The following CACNB2 variants were observed in gnomAD, a reference collection of about 807,000 sequenced individuals.
CACNB2 encodes calcium voltage-gated channel auxiliary subunit beta 2.
CACNB2 carries 42 observed loss-of-function variants against 73.3 expected under a neutral mutation model. The observed-to-expected ratio is 0.57, with a 90% CI of 0.45 to 0.74. CACNB2 has a LOEUF of 0.74. Ranked by LOEUF, CACNB2 falls within the 30% of genes least tolerant of loss-of-function variation. The pLI is 0.00. For missense variants in CACNB2, 940 were observed against 853.0 expected (o/e 1.10, Z -1.27); for synonymous variants, 348 against 310.3 (o/e 1.12, Z -1.28).
intron 3 of CACNB2, among the ~76,000 whole-genome samples, chr10:18,407,109 C>CTTTTTTTTTTTT (rs71507267): frequency 0.036 from 1,277 of 35,616 alleles, 427 homozygotes; most frequent in Non-Finnish European, 0.048. Context: ...GCTGTTCTGT[C>CTTTTTTTTTTTT]TTTTTTTTTT....
chr10:18,222,334 C>T (rs187978117), intron 2 of CACNB2, among the ~76,000 whole-genome samples: 2 of 152,130 alleles, frequency 1.3e-5, no homozygotes, highest in East Asian at 3.9e-4. Context: ...AAACATAAGA[C>T]CCAGCAACCA....
chr10:18,157,504 C>G (rs1035440986), intron 2 of CACNB2, among the ~76,000 whole-genome samples: 1 of 152,128 alleles, frequency 6.6e-6, no homozygotes, highest in African/African-American at 2.4e-5. Flanking sequence ...ATATTACTGC[C>G]TATTTGTAAC....
At chr10:18,521,371 G>A (rs1277322171) in intron 9 of CACNB2, among the ~76,000 whole-genome samples, 1 of 152,180 alleles carries the variant, frequency 6.6e-6, no homozygotes, top group Non-Finnish European at 1.5e-5. Context: ...AGTGTGTGAA[G>A]GCTTTGAGGT....
chr10:18,409,697 G>T (rs2044506948), intron 3 of CACNB2, among the ~76,000 whole-genome samples: 1 of 152,136 alleles, frequency 6.6e-6, no homozygotes, highest in Non-Finnish European at 1.5e-5. Flanking sequence ...TAGGGTAATT[G>T]GGGAGGGACT....
chr10:18,235,414 C>T (rs977356798), intron 2 of CACNB2, among the ~76,000 whole-genome samples: 1 of 152,140 alleles, frequency 6.6e-6, no homozygotes, highest in African/African-American at 2.4e-5. Flanking sequence ...GCTATGATCA[C>T]ACCACTGCAC....
chr10:18,172,728 C>G (rs2033329578), intron 2 of CACNB2, among the ~76,000 whole-genome samples: 1 of 151,956 alleles, frequency 6.6e-6, no homozygotes, highest in Non-Finnish European at 1.5e-5. Context: ...GATGGTGTAG[C>G]TAATGGACAA....
Position 18,374,082 on chromosome 10 carries a change from A to G in CACNB2, c.214-27842A>G, listed in dbSNP as rs572722222. ...GCATATCAGGGATAGATAGAATGGTAGAGGAAGAAGAAGCTATACAGTGAT... is the reference window on the plus strand; with the variant it reads ...GCATATCAGGGATAGATAGAATGGTGGAGGAAGAAGAAGCTATACAGTGAT... On this transcript the variant is annotated intron_variant, in intron 2 of 13. Transcript: ENST00000324631. Among the ~76,000 whole-genome samples the G allele has an allele frequency of 2.0e-5, 3 of 152,388 alleles. No individual in the cohort carries two copies. The East Asian group carries it at 5.8e-4, about 29-fold the overall frequency.
In CACNB2 at chr10:18,448,479, T is replaced by TTAA. The variant is rs369315822; in HGVS notation, c.333+46436_333+46437insTAA. ...GACAAGAGCAAAACTCTCTCTCATTTAAAAAAAAAAAAAAAAAAAAAAGAA... is the reference window on the plus strand; with the variant it reads ...GACAAGAGCAAAACTCTCTCTCATTTTAAAAAAAAAAAAAAAAAAAAAAAAGAA... On this transcript the variant is annotated intron_variant, in intron 3 of 13. Transcript: ENST00000324631. Among the ~76,000 whole-genome samples, 94 of 107,068 alleles carry TTAA rather than the reference T, an allele frequency of 8.8e-4. No homozygotes were observed. The South Asian group carries it at 9.8e-3, about 11-fold the overall frequency. The allele number at this position is 107,068 out of a possible 152,430, so 70.2% of individuals were successfully genotyped here. A position where few individuals can be genotyped will look rare whatever the true frequency, so the allele number is the denominator to read the frequency against.
intron 3 of CACNB2, among the ~76,000 whole-genome samples, chr10:18,463,784 C>T (rs1342912688): frequency 6.6e-6 from 1 of 152,008 alleles, no homozygotes; most frequent in East Asian, 1.9e-4. Context: ...TGGATCACTC[C>T]ATCAGCATGA....
intron 2 of CACNB2, among the ~76,000 whole-genome samples, chr10:18,244,019 A>G (rs1479549012): frequency 6.6e-6 from 1 of 152,156 alleles, no homozygotes; most frequent in Non-Finnish European, 1.5e-5. Flanking sequence ...CTGAGCTACC[A>G]CTAACTGTAG....
rs575673970 is a variant in CACNB2, at chr10:18,458,876, C to G, written c.334-39479C>G. Reference sequence around the variant, plus strand: ...CGCCTCCCAGGTTCAAGCAATTCTCCTGCCTCAGCCTCCCAGGTAGCTAGG... The same window carrying G: ...CGCCTCCCAGGTTCAAGCAATTCTCGTGCCTCAGCCTCCCAGGTAGCTAGG... On this transcript the variant is annotated intron_variant, in intron 3 of 13. Coordinates refer to ENST00000324631, the MANE Select transcript of CACNB2 (RefSeq NM_201596.3). Among the ~76,000 whole-genome samples the G allele has an allele frequency of 2.6e-5, 4 of 151,740 alleles. No individual in the cohort carries two copies. The East Asian group carries it at 7.8e-4, about 30-fold the overall frequency.
intron 6 of CACNB2, among the ~76,000 whole-genome samples, chr10:18,510,910 T>C (rs547115685): frequency 2.6e-5 from 4 of 152,334 alleles, no homozygotes; most frequent in African/African-American, 9.6e-5. Flanking sequence ...TTGTCCTTCA[T>C]ATCCAGGAAA....
chr10:18,511,138 C>T (rs566126670), intron 6 of CACNB2, among the ~76,000 whole-genome samples: 2 of 152,272 alleles, frequency 1.3e-5, no homozygotes, highest in Non-Finnish European at 2.9e-5. Flanking sequence ...AACCTTTTAG[C>T]ACATCAGTAT....
intron 2 of CACNB2, among the ~76,000 whole-genome samples, chr10:18,357,491 G>T (rs1237004299): frequency 6.6e-6 from 1 of 152,194 alleles, no homozygotes; most frequent in Non-Finnish European, 1.5e-5. Context: ...GGACGGATTA[G>T]CGGTGATGTA....
intron 2 of CACNB2, chr10:18,261,097 G>T: frequency 6.7e-7 from 1 of 1,482,046 alleles, no homozygotes; most frequent in Non-Finnish European, 9.0e-7. Context: ...TGGCATGCCT[G>T]CAGGAACGGT....
chr10:18,199,961 G>GTGTGTGTGTT (rs1281028729), intron 2 of CACNB2, among the ~76,000 whole-genome samples: 2 of 149,932 alleles, frequency 1.3e-5, no homozygotes, highest in Non-Finnish European at 3.0e-5. Flanking sequence ...GTGTGTGTGT[G>GTGTGTGTGTT]TGTGTGTGTG....
At chr10:18,207,953 ATAG>A (rs2035162492) in intron 2 of CACNB2, among the ~76,000 whole-genome samples, 1 of 152,272 alleles carries the variant, frequency 6.6e-6, no homozygotes, top group Non-Finnish European at 1.5e-5. Flanking sequence ...AGAATTCTGC[ATAG>A]TAGAAGTTGA....
At chr10:18,440,365 G>A (rs574494912) in intron 3 of CACNB2, among the ~76,000 whole-genome samples, 205 of 152,260 alleles carry the variant, frequency 1.3e-3, no homozygotes, top group Non-Finnish European at 3.1e-4. Context: ...AGGAGTTGGG[G>A]AGTGATAAAA....
chr10:18,538,417 GT>G, intron 13 of CACNB2, 52 bp downstream of exon 13: 1 of 1,545,104 alleles, frequency 6.5e-7, no homozygotes, highest in Non-Finnish European at 8.9e-7. Flanking sequence ...TAGAAAAAAG[GT>G]TGCCTATGGT....
Sources: gnomAD v4.1 joint callset for allele counts (sites outside exome capture counted in the v4.1 genomes callset) on GRCh38, gnomAD v4.1.1 for gene constraint, MANE v1.5 for transcripts, NCBI Gene and HGNC (gene_info 2026-07-23, HGNC 2026-07-21) for gene names.